The following GALNTL6 variants were observed in gnomAD, a reference collection of about 807,000 sequenced individuals.
The protein encoded by GALNTL6 is polypeptide N-acetylgalactosaminyltransferase-like 6.
In GALNTL6, 46 loss-of-function variants were observed where a neutral mutation model predicts 73.7. The ratio of observed to expected loss-of-function variants is 0.62; its 90% CI spans 0.49 to 0.80. GALNTL6 has a LOEUF of 0.80. Ranked by LOEUF, GALNTL6 falls within the 30% of genes least tolerant of loss-of-function variation. The probability of loss-of-function intolerance (pLI) is 0.00; values close to 1 mark genes in which losing one functional copy is unlikely to be tolerated. For missense variants in GALNTL6, 604 were observed against 755.0 expected (o/e 0.80, Z 2.34); for synonymous variants, 259 against 263.7 (o/e 0.98, Z 0.17).
chr4:173,025,744 G>A (rs1434726925), intron 12 of GALNTL6, among the ~76,000 whole-genome samples: 2 of 152,134 alleles, frequency 1.3e-5, no homozygotes, highest in Admixed American at 6.5e-5. Context: ...CATAACAGCC[G>A]ACCATCAGCC....
intron 5 of GALNTL6, among the ~76,000 whole-genome samples, chr4:172,673,721 T>C (rs1386721406): frequency 2.0e-5 from 3 of 152,252 alleles, no homozygotes; most frequent in Admixed American, 2.0e-4. Flanking sequence ...TTTATTGTTA[T>C]GTAATGTCCT....
intron 2 of GALNTL6, among the ~76,000 whole-genome samples, chr4:171,899,231 G>A (rs1737010347): frequency 6.8e-6 from 1 of 146,710 alleles, no homozygotes; most frequent in Non-Finnish European, 1.5e-5. Context: ...TACTGTTTGT[G>A]TTACCCTATG....
At chr4:172,092,605 C>G (rs72699000) in intron 2 of GALNTL6, among the ~76,000 whole-genome samples, 1 of 151,948 alleles carries the variant, frequency 6.6e-6, no homozygotes, top group South Asian at 2.1e-4. Flanking sequence ...AAAAAATAGT[C>G]ATTCATTTAG....
intron 4 of GALNTL6, among the ~76,000 whole-genome samples, chr4:172,347,106 C>T (rs1388116727): frequency 6.6e-6 from 1 of 150,496 alleles, no homozygotes; most frequent in Non-Finnish European, 1.5e-5. Flanking sequence ...TCTTTTGCCT[C>T]AGCCAGCTGA....
intron 7 of GALNTL6, among the ~76,000 whole-genome samples, chr4:172,855,026 C>G (rs1376146736): frequency 1.3e-5 from 2 of 152,076 alleles, no homozygotes; most frequent in African/African-American, 4.8e-5. Flanking sequence ...CAAAAAGTGA[C>G]TGATGCCTTA....
At chr4:172,636,924 C>T (rs1739719166) in intron 5 of GALNTL6, among the ~76,000 whole-genome samples, 1 of 151,932 alleles carries the variant, frequency 6.6e-6, no homozygotes, top group African/African-American at 2.4e-5. Context: ...TTCAACTCTG[C>T]TACACTTTAC....
intron 2 of GALNTL6, among the ~76,000 whole-genome samples, chr4:172,172,028 G>A (rs1265098723): frequency 1.3e-5 from 2 of 152,136 alleles, no homozygotes; most frequent in East Asian, 1.9e-4. Flanking sequence ...TATGGGCAGA[G>A]CTGTATCCCC....
chr4:172,155,165 G>A (rs1734217344), intron 2 of GALNTL6, among the ~76,000 whole-genome samples: 1 of 150,758 alleles, frequency 6.6e-6, no homozygotes, highest in South Asian at 2.1e-4. Context: ...GCCCAGCTAA[G>A]TTTTGTATTT....
intron 2 of GALNTL6, among the ~76,000 whole-genome samples, chr4:171,867,308 G>A (rs1020855604): frequency 6.6e-6 from 1 of 151,960 alleles, no homozygotes; most frequent in Non-Finnish European, 1.5e-5. Flanking sequence ...GGGCCCTAAA[G>A]GTCATCTTGT....
In GALNTL6 at chr4:172,334,575, T is replaced by C. The variant is rs193137598; in HGVS notation, c.387-13948T>C. Among the ~76,000 whole-genome samples, 122 of 152,312 alleles carry C rather than the reference T, an allele frequency of 8.0e-4. 2 individuals carry two copies. In the South Asian group the frequency reaches 0.016, roughly 20 times the overall value. On this transcript the variant is annotated intron_variant, in intron 4 of 12. Coordinates refer to ENST00000506823, the MANE Select transcript of GALNTL6 (RefSeq NM_001034845.3). ...GCTACTGATTTTTTTACATTAATTT[T>C]TTATCCTGAAACTTTACTGAAGTCG... is the stretch of plus-strand genomic sequence containing the variant.
chr4:172,028,106 G>A (rs1467650632), intron 2 of GALNTL6, among the ~76,000 whole-genome samples: 1 of 152,074 alleles, frequency 6.6e-6, no homozygotes, highest in Non-Finnish European at 1.5e-5. Flanking sequence ...ATTGGAAGAA[G>A]TGGCCATCTA....
intron 7 of GALNTL6, among the ~76,000 whole-genome samples, chr4:172,825,442 G>A (rs893551725): frequency 4.6e-5 from 7 of 152,198 alleles, no homozygotes; most frequent in South Asian, 2.1e-4. Context: ...GATGTTTGCC[G>A]TTTCTGTGTC....
chr4:172,301,750 C>T (rs958548612), intron 3 of GALNTL6, among the ~76,000 whole-genome samples: 11 of 152,084 alleles, frequency 7.2e-5, no homozygotes, highest in African/African-American at 2.2e-4. Context: ...GAGGAGTATC[C>T]GGCCATGTGA....
chr4:172,789,966 T>G (rs926691695), intron 5 of GALNTL6, among the ~76,000 whole-genome samples: 1 of 152,232 alleles, frequency 6.6e-6, no homozygotes. Flanking sequence ...CCAAGCACTA[T>G]GCTATGGAAA....
chr4:172,801,869 T>C (rs902122249), intron 5 of GALNTL6, among the ~76,000 whole-genome samples: 1 of 152,198 alleles, frequency 6.6e-6, no homozygotes, highest in Non-Finnish European at 1.5e-5. Flanking sequence ...CCAACTCCTC[T>C]TCTTCTTCCT....
chr4:172,032,075 A>C (rs952782688), intron 2 of GALNTL6, among the ~76,000 whole-genome samples: 2 of 152,090 alleles, frequency 1.3e-5, no homozygotes, highest in Non-Finnish European at 2.9e-5. Flanking sequence ...TAAAGGAGTA[A>C]AATATTTGGC....
At chr4:172,041,339 G>T (rs1742081323) in intron 2 of GALNTL6, among the ~76,000 whole-genome samples, 1 of 151,972 alleles carries the variant, frequency 6.6e-6, no homozygotes, top group Non-Finnish European at 1.5e-5. Flanking sequence ...CATTCAGTGG[G>T]CAACAAGCTA....
chr4:172,837,037 C>A (rs1742945805), intron 7 of GALNTL6, among the ~76,000 whole-genome samples: 1 of 152,194 alleles, frequency 6.6e-6, no homozygotes, highest in Admixed American at 6.5e-5. Flanking sequence ...CTCTAACCTA[C>A]ATTATACGAT....
intron 2 of GALNTL6, among the ~76,000 whole-genome samples, chr4:171,971,659 G>C (rs1208451411): frequency 6.6e-6 from 1 of 152,054 alleles, no homozygotes; most frequent in African/African-American, 2.4e-5. Context: ...TTGATTTGTA[G>C]GTTTCTGTAA....
Sources: gnomAD v4.1 joint callset for allele counts (sites outside exome capture counted in the v4.1 genomes callset) on GRCh38, gnomAD v4.1.1 for gene constraint, MANE v1.5 for transcripts, NCBI Gene and HGNC (gene_info 2026-07-23, HGNC 2026-07-21) for gene names.